PCDH15: variants seen among roughly 807,000 people sequenced by gnomAD.
PCDH15 encodes the protein protocadherin related 15, also known as protocadherin-15.
Under a neutral mutation model 178.5 loss-of-function variants are expected in PCDH15, and 129 were observed. The ratio of observed to expected loss-of-function variants is 0.72; its 90% CI spans 0.63 to 0.84. The LOEUF (loss-of-function observed/expected upper bound fraction) is 0.84, where lower values mean the gene tolerates loss of function less well. Ranked by LOEUF, PCDH15 falls within the 40% of genes least tolerant of loss-of-function variation. The pLI, the probability that PCDH15 is intolerant of heterozygous loss-of-function variation, is 0.00. For synonymous variants in PCDH15, 800 were observed against 732.0 expected (o/e 1.09, Z -1.50); for missense variants, 2,230 against 2,099.9 (o/e 1.06, Z -1.21).
chr10:54,715,213 AT>A (rs558625833), intron 1 of PCDH15, among the ~76,000 whole-genome samples: 62 of 152,302 alleles, frequency 4.1e-4, no homozygotes, highest in Non-Finnish European at 8.4e-4. Context: ...TATAGAAATT[AT>A]TTGAATAGAG....
chr10:54,220,332 CA>C, intron 9 of PCDH15, among the ~76,000 whole-genome samples: 1 of 152,216 alleles, frequency 6.6e-6, no homozygotes, highest in South Asian at 2.1e-4. Context: ...GTGAAGAAAC[CA>C]ACACTCACAG....
At chr10:53,829,501 G>A (rs1304296502) in intron 30 of PCDH15, among the ~76,000 whole-genome samples, 1 of 152,056 alleles carries the variant, frequency 6.6e-6, no homozygotes, top group Non-Finnish European at 1.5e-5. Context: ...AAAGATAACT[G>A]GTAATACGGA....
intron 2 of PCDH15, among the ~76,000 whole-genome samples, chr10:55,358,131 T>C (rs1453760475): frequency 6.6e-6 from 1 of 152,122 alleles, no homozygotes; most frequent in Non-Finnish European, 1.5e-5. Flanking sequence ...CTGTAAATTA[T>C]AAGTTACGCA....
intron 2 of PCDH15, among the ~76,000 whole-genome samples, chr10:54,621,589 T>C (rs1406933375): frequency 1.3e-5 from 2 of 151,948 alleles, no homozygotes; most frequent in East Asian, 3.9e-4. Context: ...ACATAGTCTC[T>C]ATCTATTTTT....
At chr10:53,827,689 T>G in intron 31 of PCDH15, 141 bp from the exon 32 acceptor site, 3 of 1,014,250 alleles carry the variant, frequency 3.0e-6, no homozygotes, top group Non-Finnish European at 4.5e-6. Flanking sequence ...TATAAACAGA[T>G]GTAATTACAA....
intron 20 of PCDH15, among the ~76,000 whole-genome samples, chr10:54,017,118 G>T (rs2135242893): frequency 6.6e-6 from 1 of 152,246 alleles, no homozygotes; most frequent in Non-Finnish European, 1.5e-5. Context: ...CCGTCTCCCG[G>T]GTTCAAGCGA....
At chr10:55,037,509 G>A (rs979673091) in intron 2 of PCDH15, among the ~76,000 whole-genome samples, 1 of 152,152 alleles carries the variant, frequency 6.6e-6, no homozygotes, top group Admixed American at 6.5e-5. Context: ...TGAGATTACA[G>A]GCGTGAGCCA....
intron 26 of PCDH15, among the ~76,000 whole-genome samples, chr10:53,897,959 C>CTTTTTTTTTTTTTTTTTTTT (rs66513139): frequency 2.4e-5 from 2 of 82,412 alleles, no homozygotes; most frequent in African/African-American, 1.1e-4. Flanking sequence ...TTTCTTTTCC[C>CTTTTTTTTTTTTTTTTTTTT]TTTTTTTTTT....
intron 2 of PCDH15, among the ~76,000 whole-genome samples, chr10:55,503,764 G>T (rs1231802327): frequency 2.6e-5 from 4 of 151,356 alleles, no homozygotes; most frequent in Admixed American, 1.3e-4. Context: ...CCAGAACACT[G>T]AAAACACCAA....
chr10:55,583,880 A>AT (rs1294527487), intron 2 of PCDH15, among the ~76,000 whole-genome samples: 6 of 151,792 alleles, frequency 4.0e-5, no homozygotes, highest in African/African-American at 1.2e-4. Flanking sequence ...TATATATACA[A>AT]TTTTTTTGTT....
intron 2 of PCDH15, among the ~76,000 whole-genome samples, chr10:55,052,566 G>C (rs1233778256): frequency 1.2e-5 from 1 of 84,472 alleles, no homozygotes; most frequent in Non-Finnish European, 2.2e-5. Flanking sequence ...AAAAAAAAAA[G>C]CTAGGCATGG....
intron 27 of PCDH15, among the ~76,000 whole-genome samples, chr10:53,861,157 T>C (rs774114968): frequency 2.4e-4 from 36 of 152,146 alleles, no homozygotes; most frequent in Non-Finnish European, 4.6e-4. Flanking sequence ...TATTTAGCTG[T>C]TTAAGATTAG....
chr10:54,162,831 G>A (rs538929887), intron 13 of PCDH15, among the ~76,000 whole-genome samples: 1 of 152,250 alleles, frequency 6.6e-6, no homozygotes, highest in Admixed American at 6.5e-5. Context: ...CTGATATGCA[G>A]TGGCTGGCAG....
rs1565165216 is a variant in PCDH15, at chr10:55,463,905, GAAAGAAAGAA to G, written c.-156+163710_-156+163719del. Among the ~76,000 whole-genome samples the G allele has an allele frequency of 1.3e-3, 13 of 10,282 alleles. 3 individuals are homozygous for G. The highest frequency in any genetic ancestry group is 1.8e-3 in the Non-Finnish European group (13 of 7,146). 6.7% of individuals were successfully genotyped at this position (10,282 alleles called of 152,430 possible). A position where few individuals can be genotyped will look rare whatever the true frequency, so the allele number is the denominator to read the frequency against. On this transcript the variant is annotated intron_variant, in intron 2 of 5. Coordinates refer to the PCDH15 transcript ENST00000613346. ...AGAAAGAGAGGGAGAGAGAGAGAAA[GAAAGAAAGAA>G]AGAAAGAAAGAAAGAAAGAAAGAAA...
At chr10:55,016,097 TTAAAA>T (rs765122750) in intron 2 of PCDH15, among the ~76,000 whole-genome samples, 67 of 57,044 alleles carry the variant, frequency 1.2e-3, no homozygotes, top group South Asian at 2.3e-3. Context: ...CCTTTTTTTT[TTAAAA>T]AAAAAAAAAA....
At chr10:54,308,596 GA>G (rs1459679997) in intron 8 of PCDH15, among the ~76,000 whole-genome samples, 1 of 151,992 alleles carries the variant, frequency 6.6e-6, no homozygotes, top group Non-Finnish European at 1.5e-5. Flanking sequence ...ATGATAAGGA[GA>G]ACCAAGGATT....
intron 1 of PCDH15, among the ~76,000 whole-genome samples, chr10:55,204,527 C>A (rs12413983): frequency 6.6e-6 from 1 of 151,922 alleles, no homozygotes; most frequent in East Asian, 1.9e-4. Flanking sequence ...GCTACTATAC[C>A]TTGTCCATAT....
intron 8 of PCDH15, among the ~76,000 whole-genome samples, chr10:54,299,335 CAAAG>C (rs948849282): frequency 1.3e-5 from 2 of 150,210 alleles, no homozygotes; most frequent in Non-Finnish European, 3.0e-5. Context: ...GAAAGACAGA[CAAAG>C]AAGAGAGAGA....
chr10:55,438,137 T>G (rs989747441), intron 2 of PCDH15, among the ~76,000 whole-genome samples: 1 of 151,942 alleles, frequency 6.6e-6, no homozygotes, highest in Non-Finnish European at 1.5e-5. Flanking sequence ...GCCTGGCCTC[T>G]CTTTCTTATT....
Sources: gnomAD v4.1 joint callset for allele counts (sites outside exome capture counted in the v4.1 genomes callset) on GRCh38, gnomAD v4.1.1 for gene constraint, MANE v1.5 for transcripts, NCBI Gene and HGNC (gene_info 2026-07-23, HGNC 2026-07-21) for gene names.